The following BLTP3B variants were observed in gnomAD, a reference collection of about 807,000 sequenced individuals.
BLTP3B encodes UHRF1 (ICBP90) binding protein 1-like.
At chr12:100,133,452 G>T in the BLTP3B span, among the ~76,000 whole-genome samples, 2 of 152,160 alleles carry the variant, frequency 1.3e-5, no homozygotes, top group African/African-American at 4.8e-5. Flanking sequence ...GGATACTACA[G>T]CAGGATGGTA....
At chr12:100,117,974 T>G in the BLTP3B span, among the ~76,000 whole-genome samples, 1 of 145,750 alleles carries the variant, frequency 6.9e-6, no homozygotes, top group Admixed American at 6.7e-5. Context: ...AAAGAATGCC[T>G]TTTTTATACT....
chr12:100,121,943 C>T, the BLTP3B span, among the ~76,000 whole-genome samples: 100 of 151,480 alleles, frequency 6.6e-4, no homozygotes, highest in Middle Eastern at 0.01. Flanking sequence ...TATATATATA[C>T]ACACACATAT....
At chr12:100,103,895 A>G in the BLTP3B span, 1 of 1,587,858 alleles carries the variant, frequency 6.3e-7, no homozygotes, top group African/African-American at 1.4e-5. Flanking sequence ...TTATTTCTAA[A>G]GTGGTTTCAG....
chr12:100,042,544 T>C, the BLTP3B span, among the ~76,000 whole-genome samples: 1 of 152,198 alleles, frequency 6.6e-6, no homozygotes, highest in South Asian at 2.1e-4. Flanking sequence ...TAACGGCTAA[T>C]TCTATAAAAT....
the BLTP3B span, chr12:100,039,865 C>A: frequency 7.4e-7 from 1 of 1,351,936 alleles, no homozygotes; most frequent in South Asian, 1.6e-5. Flanking sequence ...TTGTGAAAAT[C>A]TAATTTAAAA....
the BLTP3B span, chr12:100,048,222 G>A: frequency 6.4e-7 from 1 of 1,552,202 alleles, no homozygotes; most frequent in Non-Finnish European, 8.7e-7. Context: ...ATACAAAAAT[G>A]TTTGTAGCAT....
the BLTP3B span, among the ~76,000 whole-genome samples, chr12:100,140,780 G>A: frequency 8.2e-6 from 1 of 121,608 alleles, no homozygotes; most frequent in South Asian, 2.6e-4. Flanking sequence ...TAGCCCTAAA[G>A]ACTCAATTTT....
At chr12:100,073,304 C>T in the BLTP3B span, among the ~76,000 whole-genome samples, 1 of 150,910 alleles carries the variant, frequency 6.6e-6, no homozygotes, top group South Asian at 2.1e-4. Context: ...GTACTGGTTA[C>T]ACAACAACGT....
the BLTP3B span, among the ~76,000 whole-genome samples, chr12:100,134,304 A>G: frequency 6.6e-6 from 1 of 152,188 alleles, no homozygotes; most frequent in Non-Finnish European, 1.5e-5. Flanking sequence ...GACATCTCCA[A>G]TTAAATATCT....
chr12:100,142,487 C>T, the BLTP3B span: 1 of 1,294,634 alleles, frequency 7.7e-7, no homozygotes, highest in Non-Finnish European at 1.1e-6. Flanking sequence ...CCGAAGGTCG[C>T]CTCCCGCACA....
the BLTP3B span, among the ~76,000 whole-genome samples, chr12:100,122,868 A>G: frequency 3.9e-5 from 6 of 152,080 alleles, no homozygotes; most frequent in East Asian, 1.9e-4. Context: ...GTCTGTTCCT[A>G]GAGAAGGCCA....
the BLTP3B span, chr12:100,051,071 A>T: frequency 1.2e-6 from 2 of 1,613,128 alleles, no homozygotes; most frequent in Admixed American, 3.3e-5. Context: ...CTCTGAAATG[A>T]TTATTACCAG....
At chr12:100,051,200 G>T in the BLTP3B span, 2 of 1,607,982 alleles carry the variant, frequency 1.2e-6, no homozygotes, top group Admixed American at 1.7e-5. Flanking sequence ...CCTGTAATTT[G>T]TAGTTGAGTT....
chr12:100,071,577 T>C, the BLTP3B span, among the ~76,000 whole-genome samples: 9,542 of 149,496 alleles, frequency 0.064, 334 homozygotes, highest in Middle Eastern at 0.15. Context: ...AGAATACAAA[T>C]GTACAATCAT....
the BLTP3B span, among the ~76,000 whole-genome samples, chr12:100,135,720 C>T: frequency 6.6e-6 from 1 of 152,154 alleles, no homozygotes; most frequent in African/African-American, 2.4e-5. Flanking sequence ...CAGTATTTCA[C>T]CTATTTATGT....
the BLTP3B span, among the ~76,000 whole-genome samples, chr12:100,096,854 A>G: frequency 1.8e-4 from 28 of 152,162 alleles, no homozygotes; most frequent in African/African-American, 6.3e-4. Flanking sequence ...CAGAGGCAGG[A>G]GGATCACATG....
At chr12:100,060,737 A>G in the BLTP3B span, among the ~76,000 whole-genome samples, 2 of 152,236 alleles carry the variant, frequency 1.3e-5, no homozygotes, top group African/African-American at 4.8e-5. Context: ...TGAAATATAC[A>G]TATTTTTCTA....
chr12:100,124,974 A>ATATATATATATATATATATATT, the BLTP3B span, among the ~76,000 whole-genome samples: 1 of 100,430 alleles, frequency 1.0e-5, no homozygotes, highest in African/African-American at 5.6e-5. Flanking sequence ...ATATATATAT[A>ATATATATATATATATATATATT]TATATTTATA....
the BLTP3B span, among the ~76,000 whole-genome samples, chr12:100,104,361 G>A: frequency 6.6e-6 from 1 of 151,382 alleles, no homozygotes; most frequent in African/African-American, 2.4e-5. Context: ...GTGCCACCAC[G>A]CCCGGCTAAT....
Sources: gnomAD v4.1 joint callset for allele counts (sites outside exome capture counted in the v4.1 genomes callset) on GRCh38, gnomAD v4.1.1 for gene constraint, MANE v1.5 for transcripts, NCBI Gene and HGNC (gene_info 2026-07-23, HGNC 2026-07-21) for gene names.